ANKMY2: variants seen among roughly 807,000 people sequenced by gnomAD.
ANKMY2 encodes the protein ankyrin repeat and MYND domain-containing protein 2.
Under a neutral mutation model 50.4 loss-of-function variants are expected in ANKMY2, and 36 were observed. The ratio of observed to expected loss-of-function variants is 0.71; its 90% CI spans 0.55 to 0.94. The LOEUF (loss-of-function observed/expected upper bound fraction) is 0.94. Among genes scored for constraint, ANKMY2 ranks in the 40% least tolerant of loss-of-function variants. The pLI, the probability that ANKMY2 is intolerant of heterozygous loss-of-function variation, is 0.00. For missense variants in ANKMY2, 565 were observed against 524.0 expected, an observed-to-expected ratio of 1.08 and a Z score of -0.76; for synonymous variants, 187 against 178.8, an observed-to-expected ratio of 1.05 and a Z score of -0.36.
intron 5 of ANKMY2, among the ~76,000 whole-genome samples, chr7:16,614,866 T>G (rs1781315140): frequency 6.6e-6 from 1 of 152,236 alleles, no homozygotes; most frequent in South Asian, 2.1e-4. Context: ...TGATAGATAC[T>G]GAAATTGAAA....
At chr7:16,602,325 C>G in intron 9 of ANKMY2, 55 bp downstream of exon 9, 3 of 1,585,902 alleles carry the variant, frequency 1.9e-6, no homozygotes, top group Non-Finnish European at 2.6e-6. Context: ...TTAAGATCAC[C>G]TATCATCTCT....
chr7:16,614,934 AG>A (rs1781316700), intron 5 of ANKMY2, among the ~76,000 whole-genome samples: 1 of 152,192 alleles, frequency 6.6e-6, no homozygotes, highest in Admixed American at 6.5e-5. Context: ...ATGATTATTG[AG>A]GAAATTATAC....
rs1449261147 is a variant in ANKMY2, at chr7:16,614,031, G to T, written c.531+1713C>A. Among the ~76,000 whole-genome samples, 5 of 152,060 alleles carry T rather than the reference G, an allele frequency of 3.3e-5. No individual in the cohort carries two copies. The East Asian group carries it at 7.7e-4, about 23-fold the overall frequency. On this transcript the variant is annotated intron_variant, in intron 5 of 9. Transcript: ENST00000306999. The stretch of plus-strand genomic sequence containing the variant: ...AAGTACAGGGAACTTCTTCAAGTCA[G>T]TCTAAGCCAGAATATCCTGTATTGC...
Position 16,602,430 on chromosome 7 carries a change from T to G in ANKMY2, c.1091A>C (p.Tyr364Ser), listed in dbSNP as rs779296388. The G allele has an allele frequency of 9.1e-5, 147 of 1,613,844 alleles. No homozygotes were observed. The highest frequency in any genetic ancestry group is 1.2e-4 in the Non-Finnish European group (146 of 1,180,004). The change falls in exon 9 of 10, where the codon TAC becomes TCC. Residue 364 changes from tyrosine to serine, a missense_variant. Coordinates refer to ENST00000306999, the MANE Select transcript of ANKMY2 (RefSeq NM_020319.3). ...KKICKNLKDI[Y>S]EKQQLEAAKE... ...GGCAGCCTCCAACTGTTGCTTTTCG[T>G]AAATGTCCTTCAGATTCTTACAGAT...
chr7:16,621,137 A>G (rs1037651421), intron 4 of ANKMY2, among the ~76,000 whole-genome samples: 3 of 152,236 alleles, frequency 2.0e-5, no homozygotes, highest in Admixed American at 6.5e-5. Context: ...AAATACAGAA[A>G]TCAATAGCTT....
intron 4 of ANKMY2, among the ~76,000 whole-genome samples, chr7:16,622,228 A>G (rs1437068676): frequency 6.6e-6 from 1 of 152,184 alleles, no homozygotes; most frequent in East Asian, 1.9e-4. Flanking sequence ...CCACAAAAAA[A>G]TGAATAAAGA....
chr7:16,645,137 CCTGAAACTACCAGGA>C (rs935288853), intron 1 of ANKMY2, among the ~76,000 whole-genome samples: 3 of 152,164 alleles, frequency 2.0e-5, no homozygotes, highest in African/African-American at 7.2e-5. Context: ...CGCCTAAGAA[CCTGAAACTACCAGGA>C]CTGACCGCGG....
At chr7:16,617,722 T>C (rs1015666974) in intron 4 of ANKMY2, among the ~76,000 whole-genome samples, 2 of 151,994 alleles carry the variant, frequency 1.3e-5, no homozygotes, top group Non-Finnish European at 1.5e-5. Flanking sequence ...TCCCAGCACT[T>C]TGGGAGGCTG....
intron 7 of ANKMY2, 127 bp from the exon 8 acceptor site, chr7:16,604,976 T>C: frequency 3.3e-6 from 3 of 904,100 alleles, no homozygotes; most frequent in Non-Finnish European, 4.6e-6. Context: ...ATTAAGGCTA[T>C]AGATTACACA....
chr7:16,623,835 T>C (rs1781474595), intron 4 of ANKMY2, among the ~76,000 whole-genome samples: 1 of 152,150 alleles, frequency 6.6e-6, no homozygotes, highest in Admixed American at 6.5e-5. Flanking sequence ...ATAAGGATAC[T>C]TCTTCTAACA....
At chr7:16,639,972 C>T (rs1393533111) in intron 1 of ANKMY2, among the ~76,000 whole-genome samples, 1 of 151,476 alleles carries the variant, frequency 6.6e-6, no homozygotes, top group Admixed American at 6.6e-5. Flanking sequence ...CCAGCCTGGC[C>T]AACATGGTGA....
At chr7:16,640,912 T>C (rs1781736368) in intron 1 of ANKMY2, among the ~76,000 whole-genome samples, 1 of 152,200 alleles carries the variant, frequency 6.6e-6, no homozygotes, top group Non-Finnish European at 1.5e-5. Flanking sequence ...AGAAATCTAT[T>C]TGGCTTTGTT....
At chr7:16,621,254 A>G (rs1441700352) in intron 4 of ANKMY2, among the ~76,000 whole-genome samples, 1 of 152,210 alleles carries the variant, frequency 6.6e-6, no homozygotes, top group Non-Finnish European at 1.5e-5. Flanking sequence ...ATAAATTTTG[A>G]AAGAAAGGAT....
At position 16,600,360 on chromosome 7, in the gene ANKMY2, T is replaced by C. The variant is rs146769713; in HGVS notation, c.*401A>G. The C allele has an allele frequency of 0.013, 2,004 of 155,168 alleles. 22 individuals are homozygous for C. The highest frequency in any genetic ancestry group is 0.059 in the Middle Eastern group (18 of 304). The allele number at this position is 155,168 out of a possible 1,614,324, so 9.6% of individuals were successfully genotyped here. A position where few individuals can be genotyped will look rare whatever the true frequency, so the allele number is the denominator to read the frequency against. ...ACATATAAGTTATGATTTTTCTAAC[T>C]ACCCTCTGTAGCTATAAATTTTTCC... On this transcript the variant is annotated 3_prime_UTR_variant, in exon 10 of 10. Transcript: ENST00000306999.
In ANKMY2 at chr7:16,643,122, G is replaced by T. The variant is rs191250972; in HGVS notation, c.67+2385C>A. 2.3e-3 allele frequency among the ~76,000 whole-genome samples: 343 copies of T among 152,262 alleles called. 2 individuals are homozygous for T. The highest frequency in any genetic ancestry group is 6.8e-3 in the Admixed American group (104 of 15,296). On this transcript the variant is annotated intron_variant, in intron 1 of 9. Transcript: ENST00000306999. Reference sequence around the variant, plus strand: ...TTTCATCCCCATAACAACGTTGTGAGGTGGGTATTATTATTATTCCTATTT... The same window carrying T: ...TTTCATCCCCATAACAACGTTGTGATGTGGGTATTATTATTATTCCTATTT...
chr7:16,645,598 T>A lies in ANKMY2; in HGVS notation c.-25A>T. ...TTGCTCCCGCCAGCTTGAAGGTTAT[T>A]CCCTTTCTTAGGGAGTATTAAAAAA... is the stretch of plus-strand genomic sequence containing the variant. On this transcript the variant is annotated 5_prime_UTR_variant, in exon 1 of 10. Coordinates refer to ENST00000306999, the MANE Select transcript of ANKMY2 (RefSeq NM_020319.3). The A allele has an allele frequency of 6.2e-7, 1 of 1,607,424 alleles. No homozygotes were observed. Among genetic ancestry groups the A allele is most frequent in the Non-Finnish European group, 8.5e-7 (1 of 1,177,208 alleles).
At chr7:16,630,020 C>A (rs921786840) in intron 2 of ANKMY2, among the ~76,000 whole-genome samples, 7 of 151,976 alleles carry the variant, frequency 4.6e-5, no homozygotes, top group Non-Finnish European at 1.0e-4. Flanking sequence ...TGAAACAATA[C>A]TGCTAATCTA....
chr7:16,601,883 C>T (rs1277047772), intron 9 of ANKMY2, among the ~76,000 whole-genome samples: 2 of 152,116 alleles, frequency 1.3e-5, no homozygotes, highest in Non-Finnish European at 2.9e-5. Context: ...ACTGCTATGA[C>T]ACTTGTAGAA....
intron 2 of ANKMY2, among the ~76,000 whole-genome samples, chr7:16,635,905 A>C (rs1356417722): frequency 6.6e-6 from 1 of 152,232 alleles, no homozygotes; most frequent in African/African-American, 2.4e-5. Flanking sequence ...TAATAAGACT[A>C]AACTATTTTT....
Sources: gnomAD v4.1 joint callset for allele counts (sites outside exome capture counted in the v4.1 genomes callset) on GRCh38, gnomAD v4.1.1 for gene constraint, MANE v1.5 for transcripts, NCBI Gene and HGNC (gene_info 2026-07-23, HGNC 2026-07-21) for gene names.